NFIC: variants seen among roughly 807,000 people sequenced by gnomAD.
The protein encoded by NFIC is nuclear factor I C, also known as nuclear factor 1 C-type.
Under a neutral mutation model 54.4 loss-of-function variants are expected in NFIC, and 12 were observed. The ratio of observed to expected loss-of-function variants is 0.22; its 90% CI spans 0.14 to 0.36. The LOEUF (loss-of-function observed/expected upper bound fraction) is 0.36. Among genes scored for constraint, NFIC ranks in the 10% least tolerant of loss-of-function variants. NFIC has a pLI of 1.00. For missense variants in NFIC, 575 were observed against 718.2 expected (o/e 0.80, Z 2.28); for synonymous variants, 322 against 319.2 (o/e 1.01, Z -0.09).
chr19:3,414,164 C>T (rs1568432487), intron 2 of NFIC, among the ~76,000 whole-genome samples: 1 of 152,192 alleles, frequency 6.6e-6, no homozygotes, highest in Non-Finnish European at 1.5e-5. Context: ...TGTGGAAGTA[C>T]TTGCCCAGGG....
intron 1 of NFIC, 58 bp from the exon 2 acceptor site, chr19:3,381,654 A>G (rs2081210831): frequency 6.4e-7 from 1 of 1,574,378 alleles, no homozygotes; most frequent in Middle Eastern, 1.7e-4. Flanking sequence ...GGGGCCGGGC[A>G]GTGGGTCCGC....
At chr19:3,366,548 G>C, upstream of NFIC, 1 of 520,902 alleles carries the variant, frequency 1.9e-6, no homozygotes, top group Non-Finnish European at 2.9e-6. Flanking sequence ...GGGGGGGGTT[G>C]GGGGGGGCGG....
At chr19:3,430,931 C>CA (rs59760975) in intron 3 of NFIC, among the ~76,000 whole-genome samples, 4,792 of 79,952 alleles carry the variant, frequency 0.06, 260 homozygotes, top group African/African-American at 0.14. Context: ...GACTCCGTCT[C>CA]AAAAAAAAAA....
intron 2 of NFIC, among the ~76,000 whole-genome samples, chr19:3,404,904 G>A (rs1029665637): frequency 6.6e-6 from 1 of 152,118 alleles, no homozygotes; most frequent in African/African-American, 2.4e-5. Context: ...GTCCCCAGAG[G>A]CGGGCCCGAG....
chr19:3,410,429 C>CA (rs1405179618), intron 2 of NFIC, among the ~76,000 whole-genome samples: 1 of 152,184 alleles, frequency 6.6e-6, no homozygotes, highest in Non-Finnish European at 1.5e-5. Context: ...AACAGTGTTC[C>CA]AGGCAGAGGC....
chr19:3,434,204 CCCTA>C (rs1164820317), intron 4 of NFIC, 69 bp from the exon 5 acceptor site: 12 of 1,531,070 alleles, frequency 7.8e-6, no homozygotes, highest in Non-Finnish European at 1.1e-5. Flanking sequence ...CAGTGGCTTT[CCCTA>C]CCTCTCTAAA....
chr19:3,397,563 CCAGGCTGCCTTGTCT>C (rs1191083076), intron 2 of NFIC, among the ~76,000 whole-genome samples: 1 of 152,176 alleles, frequency 6.6e-6, no homozygotes, highest in East Asian at 1.9e-4. Flanking sequence ...CTGATTCTCC[CCAGGCTGCCTTGTCT>C]CAGTCCCTGT....
chr19:3,420,556 A>AAAT (rs2081937253), intron 2 of NFIC, among the ~76,000 whole-genome samples: 198 of 142,752 alleles, frequency 1.4e-3, no homozygotes, highest in African/African-American at 4.9e-3. Context: ...CCATCTCAAA[A>AAAT]AAATAAATAA....
chr19:3,393,088 C>T (rs576088886), intron 2 of NFIC, among the ~76,000 whole-genome samples: 2 of 152,016 alleles, frequency 1.3e-5, no homozygotes, highest in Non-Finnish European at 2.9e-5. Flanking sequence ...TTACAGGTGC[C>T]CGCCACCACA....
At position 3,381,804 on chromosome 19, in the gene NFIC, C is replaced by T. The variant is rs1310607438; in HGVS notation, c.123C>T (p.Tyr41=). ...WFNLQARKRK[Y]FKKHEKRMSK... ...ACCTGCAGGCGCGGAAGCGCAAGTA[C>T]TTCAAGAAGCACGAGAAGCGGATGT... is the stretch of plus-strand genomic sequence containing the variant. The change falls in exon 2 of 11, where the codon TAC becomes TAT. Residue 41 remains tyrosine, a synonymous_variant. Coordinates refer to ENST00000443272, the MANE Select transcript of NFIC (RefSeq NM_001245002.2). 6.2e-7 allele frequency: 1 copy of T among 1,613,896 alleles called. No homozygotes were observed. Among genetic ancestry groups the T allele is most frequent in the Admixed American group, 1.7e-5 (1 of 60,012 alleles).
chr19:3,412,763 C>T (rs150714094), intron 2 of NFIC, among the ~76,000 whole-genome samples: 18 of 152,268 alleles, frequency 1.2e-4, no homozygotes, highest in East Asian at 9.7e-4. Context: ...ATGCAGATGT[C>T]GTTATAATTA....
intron 3 of NFIC, among the ~76,000 whole-genome samples, chr19:3,433,040 T>C (rs1392929730): frequency 2.0e-5 from 3 of 150,530 alleles, no homozygotes; most frequent in Non-Finnish European, 4.4e-5. Flanking sequence ...CAATGGTTCA[T>C]TGCGGCCTCC....
intron 10 of NFIC, among the ~76,000 whole-genome samples, chr19:3,460,486 AGAG>A (rs1400381670): frequency 6.6e-6 from 1 of 152,110 alleles, no homozygotes; most frequent in African/African-American, 2.4e-5. Context: ...ACATCATTAA[AGAG>A]GAGAATTTTT....
chr19:3,366,593 GCGCGCCCGCTCC>G lies in NFIC; in HGVS notation c.-43_-32del. On this transcript the variant is annotated 5_prime_UTR_variant, in exon 1 of 11. Coordinates refer to ENST00000443272, the MANE Select transcript of NFIC (RefSeq NM_001245002.2). The stretch of plus-strand genomic sequence containing the variant: ...TTGGAAAAATGACTCAGTAAGTTCA[GCGCGCCCGCTCC>G]GGCCGGCCCTGCGCCTCCCGCCGCG... 1 of 1,323,256 alleles carries G rather than the reference GCGCGCCCGCTCC, an allele frequency of 7.6e-7. No individual in the cohort carries two copies. Among genetic ancestry groups the G allele is most frequent in the Non-Finnish European group, 1.0e-6 (1 of 974,164 alleles). The allele number at this position is 1,323,256 out of a possible 1,614,324, so 82.0% of individuals were successfully genotyped here. A position where few individuals can be genotyped will look rare whatever the true frequency, so the allele number is the denominator to read the frequency against.
intron 2 of NFIC, among the ~76,000 whole-genome samples, chr19:3,402,660 T>C (rs995083249): frequency 3.9e-5 from 6 of 152,190 alleles, no homozygotes; most frequent in Admixed American, 6.5e-5. Context: ...AAGGCTGAGA[T>C]TGAGGGTAGC....
rs551294418 is a variant in NFIC, at chr19:3,450,843, G to T, written c.1085-1639G>T. 2.6e-4 allele frequency among the ~76,000 whole-genome samples: 40 copies of T among 152,238 alleles called. 1 individual carries two copies. The highest frequency in any genetic ancestry group is 9.4e-4 in the African/African-American group (39 of 41,544). ...AATCAAAGCAGCCATTTGGGCCAGG[G>T]GTCAGCAAACGCTGGCCCCCTGGTT... On this transcript the variant is annotated intron_variant, in intron 7 of 10. Transcript: ENST00000443272.
At chr19:3,371,982 TCTCTCCCTCTCTCTCC>T (rs2081025181) in intron 1 of NFIC, among the ~76,000 whole-genome samples, 21 of 67,590 alleles carry the variant, frequency 3.1e-4, no homozygotes, top group Non-Finnish European at 4.3e-4. Flanking sequence ...TCTTTCTCTC[TCTCTCCCTCTCTCTCC>T]CTCTCTCTCT....
intron 6 of NFIC, among the ~76,000 whole-genome samples, chr19:3,443,617 G>A (rs763877955): frequency 3.3e-5 from 5 of 151,862 alleles, no homozygotes; most frequent in South Asian, 2.1e-4. Flanking sequence ...ATCATGGGAC[G>A]CAGAGGATCA....
intron 2 of NFIC, among the ~76,000 whole-genome samples, chr19:3,409,789 G>C (rs1333661171): frequency 6.6e-6 from 1 of 152,262 alleles, no homozygotes; most frequent in Non-Finnish European, 1.5e-5. Flanking sequence ...CGTGGCTGTT[G>C]TGCATCATTT....
Sources: gnomAD v4.1 joint callset for allele counts (sites outside exome capture counted in the v4.1 genomes callset) on GRCh38, gnomAD v4.1.1 for gene constraint, MANE v1.5 for transcripts, NCBI Gene and HGNC (gene_info 2026-07-23, HGNC 2026-07-21) for gene names.